Variants in SETX observed in about 807,000 individuals in gnomAD.
SETX encodes the protein senataxin.
Under a neutral mutation model 227.2 loss-of-function variants are expected in SETX, and 90 were observed. That is an observed-to-expected ratio of 0.40 (90% CI 0.33 to 0.47). The LOEUF is 0.47. SETX is among the 20% of genes least tolerant of loss of function. The probability of loss-of-function intolerance (pLI) is 0.91; values close to 1 mark genes in which losing one functional copy is unlikely to be tolerated. For synonymous variants in SETX, 1,210 were observed against 1,113.2 expected, an observed-to-expected ratio of 1.09 and a Z score of -1.73; for missense variants, 3,052 against 3,181.5, an observed-to-expected ratio of 0.96 and a Z score of 0.98.
chr9:132,337,044 C>T (rs908425385), intron 5 of SETX, among the ~76,000 whole-genome samples: 4 of 151,844 alleles, frequency 2.6e-5, no homozygotes, highest in Admixed American at 6.6e-5. Flanking sequence ...CCAGCCTGGG[C>T]GACAAGAGTA....
rs1453574861 is a variant in SETX at position 132,269,267 on chromosome 9, C to G, written c.7287+348G>C. On this transcript the variant is annotated intron_variant, in intron 25 of 25. Coordinates refer to ENST00000224140, the MANE Select transcript of SETX (RefSeq NM_015046.7). ...CCTGCAAACTCTCTCTGGCATTAAG[C>G]TGGGCCAATAACAGCCACATTTACT... The G allele has an allele frequency of 1.9e-5, 10 of 513,116 alleles. No individual in the cohort carries two copies. The Admixed American group carries it at 2.9e-4, about 15-fold the overall frequency. 31.8% of individuals were successfully genotyped at this position (513,116 alleles called of 1,614,324 possible).
intron 5 of SETX, among the ~76,000 whole-genome samples, chr9:132,339,287 A>C (rs1417923469): frequency 6.6e-6 from 1 of 152,104 alleles, no homozygotes; most frequent in Non-Finnish European, 1.5e-5. Context: ...GTTCGAACCC[A>C]GCCTGGGCAA....
chr9:132,323,484 G>A (rs544309), intron 10 of SETX, among the ~76,000 whole-genome samples: 137,103 of 152,210 alleles, frequency 0.9, 61,841 homozygotes, highest in Non-Finnish European at 0.92. Context: ...CATAATGAGG[G>A]TGAGGGAACA....
At position 132,264,705 on chromosome 9, in the gene SETX, G is replaced by A. The variant is rs772179602; in HGVS notation, c.7568C>T (p.Thr2523Ile). The change falls in exon 26 of 26, where the codon ACT (threonine) becomes ATT (isoleucine). Residue 2523 changes from threonine (T) to isoleucine (I), a missense_variant. Around this residue, in one of 10 missense-constraint regions of SETX, gnomAD observed 294 missense variants for 278.8 expected, o/e 1.05. Coordinates refer to ENST00000224140, the MANE Select transcript of SETX (RefSeq NM_015046.7). ...SDSKEITLTV[T>I]SKDPERPPVH... is the part of the protein sequence containing the mutation. The stretch of plus-strand genomic sequence containing the variant: ...AGGAGGTCTTTCAGGGTCCTTTGAA[G>A]TAACAGTAAGAGTAATTTCCTTGGA... 33 of 1,614,224 alleles carry A rather than the reference G, an allele frequency of 2.0e-5. No homozygotes were observed. The highest frequency in any genetic ancestry group is 3.3e-4 in the Middle Eastern group (2 of 6,062).
intron 23 of SETX, among the ~76,000 whole-genome samples, chr9:132,273,983 T>A (rs1200474025): frequency 5.3e-5 from 8 of 151,628 alleles, no homozygotes; most frequent in Non-Finnish European, 1.2e-4. Context: ...TTTTTTTTTT[T>A]AAATCATCAA....
In SETX at chr9:132,346,409, T is replaced by C. The variant is rs1198502863; in HGVS notation, c.240A>G (p.Glu80=). 3 of 1,613,828 alleles carry C rather than the reference T, an allele frequency of 1.9e-6. No homozygotes were observed. Among genetic ancestry groups the C allele is most frequent in the Admixed American group, 1.7e-5 (1 of 59,988 alleles). The part of the protein sequence containing the change: ...INHFEKSMKA[E]IGDDDELYIV... The stretch of plus-strand genomic sequence containing the variant: ...TATATAACTCATCATCATCTCCAAT[T>C]TCTGCCTTCATGGATTTTTCAAAGT... Residue 80 remains glutamate (E), a synonymous_variant, in exon 4 of 26, where the codon GAA becomes GAG. Coordinates refer to ENST00000224140, the MANE Select transcript of SETX (RefSeq NM_015046.7).
At chr9:132,287,842 G>A (rs955195558) in intron 17 of SETX, among the ~76,000 whole-genome samples, 21 of 150,318 alleles carry the variant, frequency 1.4e-4, no homozygotes, top group Admixed American at 4.6e-4. Flanking sequence ...TTTTATACAT[G>A]AATCATGCCA....
chr9:132,291,159 C>CTTTTTTTTTT (rs139976052), intron 15 of SETX, among the ~76,000 whole-genome samples: 19 of 83,816 alleles, frequency 2.3e-4, no homozygotes, highest in Non-Finnish European at 3.3e-4. Flanking sequence ...GTTTGAAAAC[C>CTTTTTTTTTT]TTTTTTTTTT....
chr9:132,327,395 T>G lies in SETX; in HGVS notation c.4203A>C (p.Gly1401=). The G allele has an allele frequency of 6.2e-7, 1 of 1,614,208 alleles. No homozygotes were observed. Among genetic ancestry groups the G allele is most frequent in the Non-Finnish European group, 8.5e-7 (1 of 1,180,020 alleles). Residue 1401 remains glycine, a synonymous_variant, in exon 10 of 26, where the codon GGA becomes GGC. Coordinates refer to ENST00000224140, the MANE Select transcript of SETX (RefSeq NM_015046.7). The part of the protein sequence containing the change: ...SDRSDYNCTG[G]TEVLANSNRK... ...TGTTACTGTTGGCAAGTACCTCAGTTCCTCCTGTACAATTATAATCTGACC... is the reference window on the plus strand; with the variant it reads ...TGTTACTGTTGGCAAGTACCTCAGTGCCTCCTGTACAATTATAATCTGACC...
intron 18 of SETX, among the ~76,000 whole-genome samples, chr9:132,284,424 T>C (rs111606315): frequency 8.5e-5 from 13 of 152,200 alleles, no homozygotes; most frequent in African/African-American, 2.7e-4. Context: ...TTTAGTCACA[T>C]AGAGAAAGAT....
intron 17 of SETX, among the ~76,000 whole-genome samples, chr9:132,287,361 G>T (rs189229286): frequency 6.6e-6 from 1 of 152,120 alleles, no homozygotes; most frequent in South Asian, 2.1e-4. Flanking sequence ...GATGGCACAC[G>T]GCTGTAGTCC....
chr9:132,331,277 CT>C lies in SETX; in HGVS notation c.1009del (p.Arg337GlyfsTer4). The C allele has an allele frequency of 6.2e-7, 1 of 1,614,016 alleles. No individual in the cohort carries two copies. The highest frequency in any genetic ancestry group is 8.5e-7 in the Non-Finnish European group (1 of 1,179,962). The stretch of plus-strand genomic sequence containing the variant: ...AAATCCTGACATTAGCTGAACTAAC[CT>C]TACAGAGCTGTTCCGTATATGTCGG... ...EIRHIRNSSVRTKLEPESYLD... is the reference protein window; with the variant it reads ...EIRHIRNSSVXTKLEPESYLD... On this transcript the variant is annotated frameshift_variant and splice_region_variant, in exon 8 of 26. Transcript: ENST00000224140. LOFTEE classifies it high-confidence loss of function.
At chr9:132,343,433 T>C (rs1399043862) in intron 4 of SETX, among the ~76,000 whole-genome samples, 1 of 152,210 alleles carries the variant, frequency 6.6e-6, no homozygotes, top group Non-Finnish European at 1.5e-5. Flanking sequence ...ACTCCATTTG[T>C]ATCTTATGTT....
chr9:132,336,361 T>C lies in SETX; in HGVS notation c.653A>G (p.Lys218Arg), dbSNP rs867660140. 1.2e-6 allele frequency: 2 copies of C among 1,614,148 alleles called. No homozygotes were observed. Among genetic ancestry groups the C allele is most frequent in the Admixed American group, 1.7e-5 (1 of 60,020 alleles). ...PDIYTSSVLE[K>R]GKLILLPSHM... is the part of the protein sequence containing the mutation. ...TGAGGGCAGAAGAATCAGTTTACCC[T>C]TCTCTAGGACAGAAGAAGTATAAAT... The change falls in exon 6 of 26, where the codon AAG becomes AGG. Residue 218 changes from lysine (K) to arginine (R), a missense_variant. Lys to Arg is a conservative substitution (Grantham distance 26). Transcript: ENST00000224140.
intron 24 of SETX, 54 bp from the exon 25 acceptor site, chr9:132,269,756 T>C (rs545641978): frequency 1.3e-6 from 2 of 1,565,462 alleles, no homozygotes; most frequent in Admixed American, 1.7e-5. Context: ...AACATGCCCA[T>C]GTGAGACAAA....
At chr9:132,311,186 C>T (rs1407126258) in intron 11 of SETX, among the ~76,000 whole-genome samples, 1 of 152,098 alleles carries the variant, frequency 6.6e-6, no homozygotes, top group East Asian at 1.9e-4. Context: ...AGGACGGTCT[C>T]GATCTCTTGA....
At position 132,326,966 on chromosome 9, in the gene SETX, C is replaced by T. The variant is rs1244538207; in HGVS notation, c.4632G>A (p.Leu1544=). ...DSVSRPQLES[L]SGTKCKYKDC... is the part of the protein sequence containing the mutation. ...CTTTGTACTTACACTTTGTGCCACT[C>T]AAAGATTCCAACTGAGGCCGACTTA... The change falls in exon 10 of 26, where the codon TTG becomes TTA. Residue 1544 remains leucine, a synonymous_variant. Coordinates refer to ENST00000224140, the MANE Select transcript of SETX (RefSeq NM_015046.7). 1.9e-6 allele frequency: 3 copies of T among 1,614,048 alleles called. No homozygotes were observed. Among genetic ancestry groups the T allele is most frequent in the Non-Finnish European group, 2.5e-6 (3 of 1,180,044 alleles).
intron 11 of SETX, among the ~76,000 whole-genome samples, chr9:132,303,070 T>C (rs1171884001): frequency 1.3e-5 from 2 of 152,132 alleles, no homozygotes; most frequent in Non-Finnish European, 2.9e-5. Flanking sequence ...CAGACTGGAA[T>C]GCAGTGGTAT....
chr9:132,264,436 G>A lies in SETX; in HGVS notation c.7837C>T (p.Pro2613Ser). The A allele has an allele frequency of 6.2e-7, 1 of 1,614,034 alleles. No homozygotes were observed. The highest frequency in any genetic ancestry group is 1.3e-5 in the African/African-American group (1 of 75,012). ...PVRGEPPAAS[P>S]EASTCQSKCD... ...TTGCTCTGACACGTGGAAGCCTCGG[G>A]ACTGGCAGCTGGAGGTTCGCCCCGC... The change falls in exon 26 of 26, where the codon CCC becomes TCC. Residue 2613 changes from proline (P) to serine (S), a missense_variant. Physicochemically the swap from Pro to Ser is moderately conservative, Grantham distance 74. This residue lies in a region of SETX where 294 missense variants were observed against 278.8 expected (regional missense o/e 1.05). Coordinates refer to ENST00000224140, the MANE Select transcript of SETX (RefSeq NM_015046.7).
Sources: gnomAD v4.1 joint callset for allele counts (sites outside exome capture counted in the v4.1 genomes callset) on GRCh38, gnomAD v4.1.1 for gene constraint, gnomAD v4.1.1 regional missense constraint, MANE v1.5 for transcripts, NCBI Gene and HGNC (gene_info 2026-07-23, HGNC 2026-07-21) for gene names.